TNKS: variants seen among roughly 807,000 people sequenced by gnomAD.
TNKS encodes tankyrase.
Under a neutral mutation model 135.8 loss-of-function variants are expected in TNKS, and 72 were observed. That is an observed-to-expected ratio of 0.53 (90% CI 0.44 to 0.64). The LOEUF (loss-of-function observed/expected upper bound fraction) is 0.64. TNKS is among the 30% of genes least tolerant of loss of function. The probability of loss-of-function intolerance (pLI) is 0.00; values close to 1 mark genes in which losing one functional copy is unlikely to be tolerated. For synonymous variants in TNKS, 849 were observed against 649.3 expected (o/e 1.31, Z -4.68); for missense variants, 1,769 against 1,674.0 (o/e 1.06, Z -0.99).
intron 3 of TNKS, among the ~76,000 whole-genome samples, chr8:9,663,025 A>C (rs1253006130): frequency 6.6e-6 from 1 of 152,200 alleles, no homozygotes; most frequent in African/African-American, 2.4e-5. Flanking sequence ...AGGATTCTTT[A>C]AAGGAGGCTC....
intron 3 of TNKS, among the ~76,000 whole-genome samples, chr8:9,631,679 C>CT (rs902958163): frequency 6.7e-6 from 1 of 149,902 alleles, no homozygotes; most frequent in African/African-American, 2.5e-5. Flanking sequence ...TTTTCCAACT[C>CT]TTTTTTTGAC....
chr8:9,631,762 A>ATTT (rs61251441), intron 3 of TNKS, among the ~76,000 whole-genome samples: 1 of 135,336 alleles, frequency 7.4e-6, no homozygotes, highest in African/African-American at 2.7e-5. Flanking sequence ...TGGTTGGTTG[A>ATTT]TTTTTTTTTT....
At chr8:9,746,761 C>T (rs576497182) in intron 17 of TNKS, among the ~76,000 whole-genome samples, 2 of 152,050 alleles carry the variant, frequency 1.3e-5, no homozygotes, top group African/African-American at 2.4e-5. Flanking sequence ...AATGATGCCC[C>T]CTCGACTGTG....
chr8:9,729,616 C>T (rs542684702), intron 13 of TNKS, among the ~76,000 whole-genome samples: 1 of 152,054 alleles, frequency 6.6e-6, no homozygotes, highest in East Asian at 1.9e-4. Flanking sequence ...TTTATTCTAC[C>T]CCTTACCAAC....
intron 2 of TNKS, among the ~76,000 whole-genome samples, chr8:9,589,274 G>A (rs2129055304): frequency 6.6e-6 from 1 of 152,298 alleles, no homozygotes; most frequent in East Asian, 1.9e-4. Flanking sequence ...AGCTTGACTA[G>A]GAGGTTCTAG....
Position 9,704,648 on chromosome 8 carries a change from GTT to G in TNKS, c.1108-11_1108-10del. 6.2e-7 allele frequency: 1 copy of G among 1,602,016 alleles called. No homozygotes were observed. ...GTTTGTTTTTACCTGAAAAGGGGAT[GTT>G]TTTCTTTTCTAGTCGACTCCTTTAC... On this transcript the variant is annotated splice_polypyrimidine_tract_variant and intron_variant, in intron 5 of 26. Coordinates refer to ENST00000310430, the MANE Select transcript of TNKS (RefSeq NM_003747.3).
intron 5 of TNKS, among the ~76,000 whole-genome samples, chr8:9,683,190 A>C (rs550202495): frequency 1.3e-5 from 2 of 152,004 alleles, no homozygotes; most frequent in Non-Finnish European, 2.9e-5. Flanking sequence ...ACAGGGTGTT[A>C]AATGTTCTGG....
chr8:9,674,194 T>C (rs1223039125), intron 3 of TNKS, among the ~76,000 whole-genome samples: 2 of 152,212 alleles, frequency 1.3e-5, no homozygotes, highest in Non-Finnish European at 2.9e-5. Flanking sequence ...GGATGGAAGT[T>C]TAAGAGTTGA....
At chr8:9,710,074 C>T in intron 10 of TNKS, 28 bp downstream of exon 10, 1 of 1,611,374 alleles carries the variant, frequency 6.2e-7, no homozygotes, top group Non-Finnish European at 8.5e-7. Flanking sequence ...AGGAGTTGTT[C>T]AGTTCCTAAA....
At chr8:9,726,867 G>A (rs1034443985) in intron 13 of TNKS, 147 bp downstream of exon 13, 29 of 653,652 alleles carry the variant, frequency 4.4e-5, no homozygotes, top group Non-Finnish European at 2.9e-5. Context: ...CTACTATTAA[G>A]GAATTCCCAG....
intron 17 of TNKS, among the ~76,000 whole-genome samples, chr8:9,745,299 A>G (rs1361093389): frequency 6.6e-6 from 1 of 152,222 alleles, no homozygotes; most frequent in Non-Finnish European, 1.5e-5. Context: ...TATAGAATTA[A>G]TTTTATAGTG....
chr8:9,745,970 A>G (rs1806212742), intron 17 of TNKS, among the ~76,000 whole-genome samples: 1 of 152,228 alleles, frequency 6.6e-6, no homozygotes. Context: ...ATAGAAAGTG[A>G]CATGCATTAA....
In TNKS at chr8:9,776,807, A is replaced by C; in HGVS notation, c.*71A>C. 7.0e-7 allele frequency: 1 copy of C among 1,430,890 alleles called. No individual in the cohort carries two copies. The highest frequency in any genetic ancestry group is 1.2e-5 in the South Asian group (1 of 86,362). The allele number at this position is 1,430,890 out of a possible 1,614,324, so 88.6% of individuals were successfully genotyped here. On this transcript the variant is annotated 3_prime_UTR_variant, in exon 27 of 27. Transcript: ENST00000310430. ...GGATTACAGAGGATTGTTTCTAATA[A>C]CAACATCAATATTCTAGAAGTCCCT...
At position 9,603,393 on chromosome 8, in the gene TNKS, T is replaced by A. The variant is rs1400064760; in HGVS notation, c.899-12189T>A. Among the ~76,000 whole-genome samples the A allele has an allele frequency of 2.0e-5, 3 of 152,300 alleles. No homozygotes were observed. The South Asian group carries it at 6.2e-4, about 32-fold the overall frequency. On this transcript the variant is annotated intron_variant, in intron 2 of 26. Transcript: ENST00000310430. ...TTAAAATGCAACTAAAAATTCAGAT[T>A]ATCAGTTTCTCTAGTCACGTTTCAA...
At chr8:9,598,144 C>T (rs868313386) in intron 2 of TNKS, among the ~76,000 whole-genome samples, 1 of 152,092 alleles carries the variant, frequency 6.6e-6, no homozygotes, top group African/African-American at 2.4e-5. Context: ...CTCCAGGGTT[C>T]ACGCCATTCT....
At chr8:9,774,075 G>C (rs1384208459) in intron 26 of TNKS, among the ~76,000 whole-genome samples, 1 of 151,854 alleles carries the variant, frequency 6.6e-6, no homozygotes, top group Admixed American at 6.6e-5. Flanking sequence ...ATATATTGAA[G>C]GTTAACTGAA....
At chr8:9,745,961 T>C (rs980197243) in intron 17 of TNKS, among the ~76,000 whole-genome samples, 4 of 152,216 alleles carry the variant, frequency 2.6e-5, no homozygotes, top group Non-Finnish European at 5.9e-5. Flanking sequence ...TTAAGGAAGA[T>C]AGAAAGTGAC....
At chr8:9,679,531 T>C (rs775531865) in intron 3 of TNKS, among the ~76,000 whole-genome samples, 26 of 152,306 alleles carry the variant, frequency 1.7e-4, no homozygotes, top group Middle Eastern at 3.4e-3. Context: ...TTTAGAAGAC[T>C]AGTAATTTGT....
intron 12 of TNKS, among the ~76,000 whole-genome samples, chr8:9,726,210 G>A (rs1805152579): frequency 6.6e-6 from 1 of 152,082 alleles, no homozygotes; most frequent in Non-Finnish European, 1.5e-5. Context: ...GGGCAACATG[G>A]TGAAAACCCA....
Sources: gnomAD v4.1 joint callset for allele counts (sites outside exome capture counted in the v4.1 genomes callset) on GRCh38, gnomAD v4.1.1 for gene constraint, MANE v1.5 for transcripts, NCBI Gene and HGNC (gene_info 2026-07-23, HGNC 2026-07-21) for gene names.